ASAP3: variants seen among roughly 807,000 people sequenced by gnomAD.
ASAP3 encodes ArfGAP with SH3 domain, ankyrin repeat and PH domain 3, also known as arf-GAP with SH3 domain, ANK repeat and PH domain-containing protein 3.
Under a neutral mutation model 118.2 loss-of-function variants are expected in ASAP3, and 85 were observed. The ratio of observed to expected loss-of-function variants is 0.72; its 90% CI spans 0.60 to 0.86. The LOEUF is 0.86. ASAP3 is among the 40% of genes least tolerant of loss of function. The pLI, the probability that ASAP3 is intolerant of heterozygous loss-of-function variation, is 0.00. For synonymous variants in ASAP3, 432 were observed against 477.4 expected, an observed-to-expected ratio of 0.90 and a Z score of 1.24; for missense variants, 1,026 against 1,175.0, an observed-to-expected ratio of 0.87 and a Z score of 1.85.
intron 1 of ASAP3, among the ~76,000 whole-genome samples, chr1:23,463,202 G>C (rs373384338): frequency 5.9e-5 from 9 of 152,170 alleles, no homozygotes; most frequent in East Asian, 5.8e-4. Flanking sequence ...TCCTTCAAGA[G>C]AACCACAGAC....
chr1:23,462,798 A>T (rs1641639710), intron 1 of ASAP3, among the ~76,000 whole-genome samples: 1 of 152,156 alleles, frequency 6.6e-6, no homozygotes, highest in Non-Finnish European at 1.5e-5. Flanking sequence ...GCTCTCAAGG[A>T]CATCATCATT....
intron 1 of ASAP3, among the ~76,000 whole-genome samples, chr1:23,465,344 C>A (rs894184633): frequency 6.6e-6 from 1 of 152,172 alleles, no homozygotes; most frequent in African/African-American, 2.4e-5. Context: ...GTCCCAAGTG[C>A]CTGCTCTGTG....
intron 1 of ASAP3, among the ~76,000 whole-genome samples, chr1:23,482,639 G>A (rs917278277): frequency 2.6e-5 from 4 of 152,172 alleles, no homozygotes; most frequent in Admixed American, 2.0e-4. Context: ...GCAAACTGCA[G>A]AGCCAGCGTT....
intron 24 of ASAP3, 106 bp downstream of exon 24, chr1:23,430,929 C>T: frequency 2.7e-6 from 3 of 1,123,948 alleles, no homozygotes; most frequent in Non-Finnish European, 3.7e-6. Context: ...CCCATCTGTA[C>T]CCCAACCATG....
chr1:23,430,075 G>A (rs952154446), intron 24 of ASAP3, 145 bp from the exon 25 acceptor site: 14 of 713,230 alleles, frequency 2.0e-5, no homozygotes, highest in Admixed American at 1.7e-4. Context: ...TTGAGGAAGT[G>A]AAGCCACTTA....
intron 1 of ASAP3, among the ~76,000 whole-genome samples, chr1:23,465,703 T>C (rs1252679593): frequency 3.9e-5 from 6 of 152,032 alleles, no homozygotes; most frequent in African/African-American, 1.4e-4. Flanking sequence ...GGTTTCGCCA[T>C]CTTGACCAGG....
chr1:23,465,310 G>A (rs561138684), intron 1 of ASAP3, among the ~76,000 whole-genome samples: 18 of 152,280 alleles, frequency 1.2e-4, no homozygotes, highest in Middle Eastern at 3.4e-3. Context: ...CTCTGCCGCC[G>A]GGCAGGGAGA....
At chr1:23,483,827 C>T (rs1327347085) in intron 1 of ASAP3, among the ~76,000 whole-genome samples, 178 bp downstream of exon 1, 1 of 152,222 alleles carries the variant, frequency 6.6e-6, no homozygotes, top group African/African-American at 2.4e-5. Flanking sequence ...TCGGGCCTTC[C>T]CCCGCCTCGA....
At position 23,434,346 on chromosome 1, in the gene ASAP3, G is replaced by A. The variant is rs766652020; in HGVS notation, c.1859C>T (p.Ala620Val). The A allele has an allele frequency of 6.2e-7, 1 of 1,614,226 alleles. No homozygotes were observed. Among genetic ancestry groups the A allele is most frequent in the Non-Finnish European group, 8.5e-7 (1 of 1,180,050 alleles). The change falls in exon 19 of 25, where the codon GCT becomes GTT. Residue 620 changes from alanine (A) to valine (V), a missense_variant. Transcript: ENST00000336689. ...GTAGTGCAGAGCCGTGTTCCCGTCAGCAGCCTTGGCATCCAGGTGACCACT... is the reference window on the plus strand; with the variant it reads ...GTAGTGCAGAGCCGTGTTCCCGTCAACAGCCTTGGCATCCAGGTGACCACT... ...QNGGHLDAKA[A>V]DGNTALHYAA...
At position 23,437,240 on chromosome 1, in the gene ASAP3, G is replaced by C; in HGVS notation, c.1232C>G (p.Ser411Cys). 1 of 1,591,958 alleles carries C rather than the reference G, an allele frequency of 6.3e-7. No homozygotes were observed. ...FLGEPSAGPG[S>C]WGSAGHDGEP... The stretch of plus-strand genomic sequence containing the variant: ...CCCATCATGGCCGGCGGACCCCCAG[G>C]ACCCCGGGCCAGCGCTGGGCTCCCC... Residue 411 changes from serine to cysteine, a missense_variant, in exon 14 of 25, where the codon TCC (serine) becomes TGC (cysteine). Physicochemically the swap from Ser to Cys is moderately radical, Grantham distance 112. Coordinates refer to ENST00000336689, the MANE Select transcript of ASAP3 (RefSeq NM_017707.4). This position sits in a 1 kb window ranked among gnomAD's most constrained non-coding sequence, Gnocchi z 6.1.
At chr1:23,439,364 C>T (rs1222775474) in intron 10 of ASAP3, 134 bp from the exon 11 acceptor site, 2 of 759,678 alleles carry the variant, frequency 2.6e-6, no homozygotes, top group Non-Finnish European at 4.4e-6. Context: ...CCTAACCCTA[C>T]ACCCCCACCC....
intron 1 of ASAP3, among the ~76,000 whole-genome samples, chr1:23,479,272 A>G (rs1642231499): frequency 1.0e-5 from 1 of 98,396 alleles, no homozygotes; most frequent in South Asian, 3.0e-4. Flanking sequence ...TCAGATGTGC[A>G]GAGGGAAGCA....
rs1311582961 is a variant in ASAP3, at chr1:23,477,736, C to G, written c.129+6269G>C. Among the ~76,000 whole-genome samples, 5 of 152,180 alleles carry G rather than the reference C, an allele frequency of 3.3e-5. No individual in the cohort carries two copies. In the East Asian group the frequency reaches 9.6e-4, roughly 29 times the overall value. On this transcript the variant is annotated intron_variant, in intron 1 of 24. Coordinates refer to ENST00000336689, the MANE Select transcript of ASAP3 (RefSeq NM_017707.4). Reference sequence around the variant, plus strand: ...TGTTTGTTTTGTTTTGTTTTGGAGACAGGGTCTTGCTCTATCACCTAGGCT... The same window carrying G: ...TGTTTGTTTTGTTTTGTTTTGGAGAGAGGGTCTTGCTCTATCACCTAGGCT...
chr1:23,434,940 G>A (rs1266379485), intron 17 of ASAP3, among the ~76,000 whole-genome samples: 3 of 151,984 alleles, frequency 2.0e-5, no homozygotes, highest in Non-Finnish European at 4.4e-5. Flanking sequence ...TCACACATGT[G>A]CAGGCTGTTC....
chr1:23,459,105 G>A (rs1188616253), intron 1 of ASAP3, among the ~76,000 whole-genome samples: 2 of 149,274 alleles, frequency 1.3e-5, no homozygotes, highest in Non-Finnish European at 3.0e-5. Context: ...GAGAGGTGGA[G>A]GTTGCAGTGA....
chr1:23,476,261 G>A (rs12136546), intron 1 of ASAP3, among the ~76,000 whole-genome samples: 5,155 of 151,778 alleles, frequency 0.034, 309 homozygotes, highest in South Asian at 0.23. Context: ...CAGGAGAATC[G>A]CTTGAACCCG....
At position 23,456,288 on chromosome 1, in the gene ASAP3, C is replaced by T. The variant is rs567266263; in HGVS notation, c.130-94G>A. On this transcript the variant is annotated intron_variant, in intron 1 of 24. Transcript: ENST00000336689. ...GTATCTATGATTTCCACCCCCCAAC[C>T]GCCCTCCAAACAAATACATTGAGTT... 259 of 1,186,048 alleles carry T rather than the reference C, an allele frequency of 2.2e-4. 1 individual carries two copies. In the South Asian group the frequency reaches 3.1e-3, roughly 14 times the overall value. The allele number at this position is 1,186,048 out of a possible 1,614,324, so 73.5% of individuals were successfully genotyped here. A position where few individuals can be genotyped will look rare whatever the true frequency, so the allele number is the denominator to read the frequency against.
chr1:23,439,595 C>G (rs1640793295), intron 10 of ASAP3, among the ~76,000 whole-genome samples: 1 of 152,154 alleles, frequency 6.6e-6, no homozygotes, highest in African/African-American at 2.4e-5. Context: ...CTCTTGACAA[C>G]AACAAATAAA....
chr1:23,461,595 A>C (rs1163618857), intron 1 of ASAP3, among the ~76,000 whole-genome samples: 2 of 151,748 alleles, frequency 1.3e-5, no homozygotes, highest in African/African-American at 4.8e-5. Context: ...CAGGGAGTTG[A>C]GGCTATAGTG....
Sources: gnomAD v4.1 joint callset for allele counts (sites outside exome capture counted in the v4.1 genomes callset) on GRCh38, gnomAD v4.1.1 for gene constraint, Gnocchi (gnomAD v3.1) non-coding constraint, MANE v1.5 for transcripts, NCBI Gene and HGNC (gene_info 2026-07-23, HGNC 2026-07-21) for gene names.